PPP1R21: variants seen among roughly 807,000 people sequenced by gnomAD.
PPP1R21 encodes protein phosphatase 1 regulatory subunit 21.
In PPP1R21, 85 loss-of-function variants were observed where a neutral mutation model predicts 112.8. The observed-to-expected ratio is 0.75, with a 90% CI of 0.63 to 0.90. The LOEUF (loss-of-function observed/expected upper bound fraction) is 0.90. Among genes scored for constraint, PPP1R21 ranks in the 40% least tolerant of loss-of-function variants. The pLI, the probability that PPP1R21 is intolerant of heterozygous loss-of-function variation, is 0.00. For synonymous variants in PPP1R21, 381 were observed against 322.3 expected, an observed-to-expected ratio of 1.18 and a Z score of -1.95; for missense variants, 1,199 against 901.5, an observed-to-expected ratio of 1.33 and a Z score of -4.23.
At chr2:48,450,173 TCA>T (rs1159922187) in intron 1 of PPP1R21, among the ~76,000 whole-genome samples, 1 of 152,206 alleles carries the variant, frequency 6.6e-6, no homozygotes, top group Non-Finnish European at 1.5e-5. Context: ...ACTGCTTTTT[TCA>T]CTTAAATGTA....
intron 12 of PPP1R21, chr2:48,479,489 C>T (rs926701305): frequency 2.1e-6 from 1 of 473,552 alleles, no homozygotes; most frequent in Admixed American, 2.3e-5. Flanking sequence ...ACCAGTTTTG[C>T]AGAGGGCAAG....
intron 13 of PPP1R21, among the ~76,000 whole-genome samples, chr2:48,485,679 A>G (rs972662087): frequency 2.6e-5 from 4 of 151,654 alleles, no homozygotes; most frequent in African/African-American, 9.7e-5. Flanking sequence ...TTAAAACATC[A>G]TGATCACTTC....
chr2:48,500,757 A>G (rs370110771), intron 17 of PPP1R21, among the ~76,000 whole-genome samples: 1 of 152,084 alleles, frequency 6.6e-6, no homozygotes, highest in Non-Finnish European at 1.5e-5. Flanking sequence ...AATACAGAAG[A>G]AATTAGCCAG....
Position 48,440,930 on chromosome 2 carries a change from G to A in PPP1R21, c.-24G>A. The A allele has an allele frequency of 1.3e-6, 2 of 1,587,840 alleles. No individual in the cohort carries two copies. Among genetic ancestry groups the A allele is most frequent in the South Asian group, 2.2e-5 (2 of 89,662 alleles). ...ACAGGCTGAGCCGCCTGGGCGGCCTGGCCTGTACGGGGCGGGGGAGGCCAT... is the reference window on the plus strand; with the variant it reads ...ACAGGCTGAGCCGCCTGGGCGGCCTAGCCTGTACGGGGCGGGGGAGGCCAT... On this transcript the variant is annotated 5_prime_UTR_variant, in exon 1 of 22. Transcript: ENST00000294952.
chr2:48,505,993 T>G (rs1427411819), intron 18 of PPP1R21, among the ~76,000 whole-genome samples: 2 of 152,190 alleles, frequency 1.3e-5, no homozygotes, highest in Non-Finnish European at 2.9e-5. Flanking sequence ...ACAGTGTACT[T>G]GGTAGCTGTT....
intron 4 of PPP1R21, among the ~76,000 whole-genome samples, chr2:48,459,243 G>A (rs1667872488): frequency 6.6e-6 from 1 of 151,992 alleles, no homozygotes; most frequent in African/African-American, 2.4e-5. Flanking sequence ...TTTGACCACA[G>A]TGTATTTTAT....
chr2:48,474,638 A>G (rs1275186729), intron 11 of PPP1R21, 45 bp from the exon 12 acceptor site: 1 of 1,555,168 alleles, frequency 6.4e-7, no homozygotes, highest in East Asian at 2.3e-5. Context: ...AGCTAATTGA[A>G]AATCGTTTGG....
chr2:48,442,450 G>A (rs746308815), intron 1 of PPP1R21, among the ~76,000 whole-genome samples: 42 of 152,146 alleles, frequency 2.8e-4, no homozygotes, highest in Non-Finnish European at 5.3e-4. Flanking sequence ...TAACTGTATA[G>A]CCTCCCAAAG....
chr2:48,455,293 T>C (rs1667672011), intron 3 of PPP1R21, among the ~76,000 whole-genome samples: 1 of 151,902 alleles, frequency 6.6e-6, no homozygotes, highest in Admixed American at 6.6e-5. Context: ...ATTGCGGGCA[T>C]GTGGCACTCC....
chr2:48,510,768 A>G (rs1052489205), intron 20 of PPP1R21, among the ~76,000 whole-genome samples: 6 of 152,192 alleles, frequency 3.9e-5, no homozygotes, highest in African/African-American at 9.6e-5. Context: ...GATGGAGGCA[A>G]TGTGTTGTAG....
intron 15 of PPP1R21, among the ~76,000 whole-genome samples, chr2:48,495,002 G>A (rs1290898941): frequency 6.6e-6 from 1 of 152,010 alleles, no homozygotes; most frequent in East Asian, 1.9e-4. Context: ...CACCACTCCC[G>A]GCCAATTTTA....
chr2:48,502,538 T>G (rs1198006213), intron 17 of PPP1R21, among the ~76,000 whole-genome samples: 8 of 152,168 alleles, frequency 5.3e-5, no homozygotes, highest in South Asian at 2.1e-4. Flanking sequence ...CTTTTCTGTC[T>G]TCTTCCTCTT....
chr2:48,454,536 A>G (rs761014110), intron 2 of PPP1R21, 59 bp from the exon 3 acceptor site: 1 of 1,586,540 alleles, frequency 6.3e-7, no homozygotes, highest in Non-Finnish European at 8.6e-7. Context: ...AATTTTTAAT[A>G]AAATTTCTAA....
intron 21 of PPP1R21, 80 bp downstream of exon 21, chr2:48,511,548 G>C (rs4528813): frequency 0.81 from 1,239,967 of 1,526,750 alleles, 512,035 homozygotes; most frequent in African/African-American, 0.95. Context: ...ATTTCAGGAG[G>C]AAGAGGACAT....
chr2:48,454,863 A>C, intron 3 of PPP1R21, 122 bp downstream of exon 3: 1 of 764,946 alleles, frequency 1.3e-6, no homozygotes, highest in Non-Finnish European at 2.2e-6. Flanking sequence ...TGTTTGAGAC[A>C]GGGTCTTGCT....
chr2:48,481,706 G>A (rs79369120), intron 13 of PPP1R21, among the ~76,000 whole-genome samples: 6,034 of 152,072 alleles, frequency 0.04, 243 homozygotes, highest in African/African-American at 0.11. Context: ...GGGAGACCCT[G>A]TCTCTACAAA....
intron 21 of PPP1R21, 73 bp from the exon 22 acceptor site, chr2:48,514,642 C>A: frequency 9.0e-7 from 1 of 1,112,600 alleles, no homozygotes; most frequent in Non-Finnish European, 1.4e-6. Context: ...TTTCAGACAG[C>A]TTGGTTTATA....
chr2:48,497,508 C>T (rs1021886675), intron 16 of PPP1R21, among the ~76,000 whole-genome samples: 30 of 152,036 alleles, frequency 2.0e-4, no homozygotes, highest in Non-Finnish European at 4.4e-4. Flanking sequence ...TTATTAAATG[C>T]AATTATGCTT....
At position 48,490,960 on chromosome 2, in the gene PPP1R21, T is replaced by C. The variant is rs759169516; in HGVS notation, c.1447-58T>C. 112 of 1,450,960 alleles carry C rather than the reference T, an allele frequency of 7.7e-5. 2 individuals carry two copies. In the Middle Eastern group the frequency reaches 1.2e-3, roughly 16 times the overall value. The allele number at this position is 1,450,960 out of a possible 1,614,324, so 89.9% of individuals were successfully genotyped here. On this transcript the variant is annotated intron_variant, in intron 14 of 21. Coordinates refer to ENST00000294952, the MANE Select transcript of PPP1R21 (RefSeq NM_001135629.3). Reference sequence around the variant, plus strand: ...ACTTTGCTGCAAAAACTATTAGATATATATTTTAGATATATTGTTGGAAAA... The same window carrying C: ...ACTTTGCTGCAAAAACTATTAGATACATATTTTAGATATATTGTTGGAAAA...
Sources: gnomAD v4.1 joint callset for allele counts (sites outside exome capture counted in the v4.1 genomes callset) on GRCh38, gnomAD v4.1.1 for gene constraint, MANE v1.5 for transcripts, NCBI Gene and HGNC (gene_info 2026-07-23, HGNC 2026-07-21) for gene names.